The following MYO9A variants were observed in gnomAD, a reference collection of about 807,000 sequenced individuals.
MYO9A encodes myosin IXA.
A neutral mutation model predicts 293.3 loss-of-function variants in MYO9A; 103 were observed. That is an observed-to-expected ratio of 0.35 (90% CI 0.30 to 0.41). The LOEUF (loss-of-function observed/expected upper bound fraction) is 0.41. Among genes scored for constraint, MYO9A ranks in the 10% least tolerant of loss-of-function variants. MYO9A has a pLI of 1.00. For missense variants in MYO9A, 2,685 were observed against 3,033.0 expected (o/e 0.89, Z 2.69); for synonymous variants, 1,001 against 1,035.7 (o/e 0.97, Z 0.64).
chr15:71,879,848 C>A lies in MYO9A; in HGVS notation c.5623-11G>T, dbSNP rs569927433. The A allele has an allele frequency of 1.3e-6, 2 of 1,555,586 alleles. No individual in the cohort carries two copies. The highest frequency in any genetic ancestry group is 1.8e-6 in the Non-Finnish European group (2 of 1,128,662). On this transcript the variant is annotated splice_polypyrimidine_tract_variant and intron_variant, in intron 29 of 41. Coordinates refer to ENST00000356056, the MANE Select transcript of MYO9A (RefSeq NM_006901.4). The stretch of plus-strand genomic sequence containing the variant: ...ATCTAGGTCATTCACCTGGGAACCA[C>A]AAAACGAGTTTTAGTACACAATCAA...
At chr15:71,903,110 T>C (rs989074834) in intron 21 of MYO9A, 47 bp from the exon 22 acceptor site, 2 of 1,465,654 alleles carry the variant, frequency 1.4e-6, no homozygotes, top group African/African-American at 2.8e-5. Flanking sequence ...ACAGTGTATG[T>C]AAACAAGACC....
intron 1 of MYO9A, among the ~76,000 whole-genome samples, chr15:72,070,617 G>C (rs1270731197): frequency 1.3e-5 from 2 of 152,082 alleles, no homozygotes; most frequent in Non-Finnish European, 1.5e-5. Context: ...TTGAACCCAG[G>C]AGGTGGAGGC....
At chr15:71,840,199 A>G (rs1400371394) in intron 39 of MYO9A, among the ~76,000 whole-genome samples, 2 of 152,252 alleles carry the variant, frequency 1.3e-5, no homozygotes, top group South Asian at 2.1e-4. Context: ...CCTGGAAACA[A>G]TATCTATGGA....
In MYO9A at chr15:71,869,807, A is replaced by G. The variant is rs548524820; in HGVS notation, c.5979+5984T>C. On this transcript the variant is annotated intron_variant, in intron 32 of 41. Transcript: ENST00000356056. ...GCTGGACAGTAGTGTAGCAGGGACCATGAAAGTCTTTCAAGTCACTCAACA... is the reference window on the plus strand; with the variant it reads ...GCTGGACAGTAGTGTAGCAGGGACCGTGAAAGTCTTTCAAGTCACTCAACA... Among the ~76,000 whole-genome samples, 6 of 152,320 alleles carry G rather than the reference A, an allele frequency of 3.9e-5. No homozygotes were observed. The South Asian group carries it at 1.2e-3, about 32-fold the overall frequency.
chr15:72,109,781 T>G (rs2080710739), intron 1 of MYO9A, among the ~76,000 whole-genome samples: 1 of 151,444 alleles, frequency 6.6e-6, no homozygotes, highest in Admixed American at 6.6e-5. Flanking sequence ...CCCAGCTACT[T>G]GGGACGCTGA....
At chr15:71,874,318 AG>A (rs2056612636) in intron 32 of MYO9A, among the ~76,000 whole-genome samples, 1 of 152,196 alleles carries the variant, frequency 6.6e-6, no homozygotes, top group Admixed American at 6.5e-5. Flanking sequence ...GGTTGAATCC[AG>A]GTTTTGTAGG....
intron 12 of MYO9A, among the ~76,000 whole-genome samples, chr15:71,975,714 G>C (rs558558093): frequency 2.0e-5 from 3 of 152,252 alleles, no homozygotes; most frequent in African/African-American, 7.2e-5. Flanking sequence ...TGCACAGAGA[G>C]GCCAAGAAGA....
chr15:71,943,137 GCATTT>G lies in MYO9A; in HGVS notation c.2303-4215_2303-4211del, dbSNP rs531267610. 2.5e-4 allele frequency among the ~76,000 whole-genome samples: 38 copies of G among 151,762 alleles called. No homozygotes were observed. The East Asian group carries it at 4.3e-3, about 17-fold the overall frequency. Reference sequence around the variant, plus strand: ...TAATTTTAAATAATACTTGTTTCTGGCATTTCATTTCATGTTTTTCATTTATTTCA... The same window carrying G: ...TAATTTTAAATAATACTTGTTTCTGGCATTTCATGTTTTTCATTTATTTCA... On this transcript the variant is annotated intron_variant, in intron 15 of 41. Coordinates refer to ENST00000356056, the MANE Select transcript of MYO9A (RefSeq NM_006901.4).
At chr15:71,839,505 C>T (rs890267236) in intron 39 of MYO9A, among the ~76,000 whole-genome samples, 2 of 152,104 alleles carry the variant, frequency 1.3e-5, no homozygotes, top group South Asian at 2.1e-4. Flanking sequence ...AACTCCTGGG[C>T]TCAAGGGATC....
At chr15:72,008,448 T>TGA (rs1172636101) in intron 7 of MYO9A, among the ~76,000 whole-genome samples, 1 of 150,322 alleles carries the variant, frequency 6.7e-6, no homozygotes, top group Non-Finnish European at 1.5e-5. Context: ...TGTGTGTGTG[T>TGA]GTGTGTGTGT....
chr15:72,094,847 G>C (rs983170811), intron 1 of MYO9A, among the ~76,000 whole-genome samples: 1 of 91,662 alleles, frequency 1.1e-5, no homozygotes, highest in African/African-American at 2.6e-5. Flanking sequence ...CTGTTATGGT[G>C]ATCTGTGATC....
intron 19 of MYO9A, among the ~76,000 whole-genome samples, chr15:71,913,267 A>T (rs996863657): frequency 6.6e-6 from 1 of 151,880 alleles, no homozygotes; most frequent in Non-Finnish European, 1.5e-5. Context: ...CTTGTTTTTT[A>T]TTGTCAAATA....
At chr15:72,077,682 A>G (rs2079398518) in intron 1 of MYO9A, among the ~76,000 whole-genome samples, 1 of 148,528 alleles carries the variant, frequency 6.7e-6, no homozygotes, top group Non-Finnish European at 1.5e-5. Flanking sequence ...GTGAGCCAAG[A>G]TCATGCCATT....
intron 18 of MYO9A, among the ~76,000 whole-genome samples, chr15:71,932,387 G>A (rs899402921): frequency 6.6e-6 from 1 of 151,998 alleles, no homozygotes; most frequent in Non-Finnish European, 1.5e-5. Flanking sequence ...CCTTGGGAGG[G>A]AGCAGTGGCA....
At chr15:72,051,502 G>A (rs28891098) in intron 1 of MYO9A, among the ~76,000 whole-genome samples, 1 of 152,152 alleles carries the variant, frequency 6.6e-6, no homozygotes, top group Non-Finnish European at 1.5e-5. Flanking sequence ...CCAAGCTGCA[G>A]CTGCAGACCC....
chr15:72,008,856 C>T (rs188947442), intron 7 of MYO9A, among the ~76,000 whole-genome samples: 4 of 152,134 alleles, frequency 2.6e-5, no homozygotes, highest in East Asian at 1.9e-4. Flanking sequence ...AGAATAAATA[C>T]GGCTTACAAA....
rs1167613386 is a variant in MYO9A, at chr15:71,934,786, CTTTTTTTTTTTT to C, written c.2522+543_2522+554del. Among the ~76,000 whole-genome samples the C allele has an allele frequency of 2.8e-4, 17 of 61,794 alleles. No individual in the cohort carries two copies. The East Asian group carries it at 7.8e-3, about 28-fold the overall frequency. The allele number at this position is 61,794 out of a possible 152,430, so 40.5% of individuals were successfully genotyped here. ...TGGCTAATTTTTTTTCTTTTCTTTT[CTTTTTTTTTTTT>C]TTTTTTTTTTTTTGGAGAGATGGGG... On this transcript the variant is annotated intron_variant, in intron 17 of 41. Transcript: ENST00000356056.
intron 1 of MYO9A, among the ~76,000 whole-genome samples, chr15:72,069,285 T>C (rs901613307): frequency 6.6e-6 from 1 of 152,214 alleles, no homozygotes; most frequent in Non-Finnish European, 1.5e-5. Context: ...TAGTAGTGAC[T>C]CTTGAGGTTA....
intron 14 of MYO9A, among the ~76,000 whole-genome samples, chr15:71,954,902 C>T (rs2146720245): frequency 6.6e-6 from 1 of 152,272 alleles, no homozygotes; most frequent in Non-Finnish European, 1.5e-5. Flanking sequence ...ATTCAAAGGC[C>T]TTAAGGCCAT....
Sources: gnomAD v4.1 joint callset for allele counts (sites outside exome capture counted in the v4.1 genomes callset) on GRCh38, gnomAD v4.1.1 for gene constraint, MANE v1.5 for transcripts, NCBI Gene and HGNC (gene_info 2026-07-23, HGNC 2026-07-21) for gene names.